Variants in LINGO1 observed in about 807,000 individuals in gnomAD.
LINGO1 encodes leucine-rich repeat and immunoglobulin-like domain-containing nogo receptor-interacting protein 1.
Under a neutral mutation model 37.3 loss-of-function variants are expected in LINGO1, and 11 were observed. The observed-to-expected ratio is 0.29, with a 90% CI of 0.19 to 0.49. The LOEUF (loss-of-function observed/expected upper bound fraction) is 0.49, where lower values mean the gene tolerates loss of function less well. LINGO1 is among the 20% of genes least tolerant of loss of function. LINGO1 has a pLI of 0.99. For missense variants in LINGO1, 585 were observed against 878.2 expected (o/e 0.67, Z 4.22); for synonymous variants, 387 against 403.0 (o/e 0.96, Z 0.48).
intron 1 of LINGO1, among the ~76,000 whole-genome samples, chr15:77,630,900 C>T (rs1447699654): frequency 6.6e-6 from 1 of 152,208 alleles, no homozygotes; most frequent in Non-Finnish European, 1.5e-5. Context: ...CTATACCCTC[C>T]CTCCCACCTC....
intron 2 of LINGO1, among the ~76,000 whole-genome samples, chr15:77,793,845 G>A (rs1271208505): frequency 2.0e-5 from 3 of 152,154 alleles, no homozygotes; most frequent in South Asian, 2.1e-4. Flanking sequence ...GAAGACTGAC[G>A]GGCTAAACAC....
chr15:77,747,302 A>G (rs2076323906), intron 1 of LINGO1, among the ~76,000 whole-genome samples: 1 of 152,134 alleles, frequency 6.6e-6, no homozygotes, highest in South Asian at 2.1e-4. Flanking sequence ...GGGACATTGC[A>G]AGTCATCTGG....
chr15:77,790,767 G>A (rs548305042), upstream of LINGO1, among the ~76,000 whole-genome samples: 7 of 152,254 alleles, frequency 4.6e-5, no homozygotes, highest in South Asian at 1.5e-3. Context: ...GTGGACCCTA[G>A]AGCCATCCAT....
At chr15:77,759,267 C>T (rs1447366748) in intron 1 of LINGO1, among the ~76,000 whole-genome samples, 1 of 152,242 alleles carries the variant, frequency 6.6e-6, no homozygotes. Context: ...CCCCCTGTGG[C>T]CCCTCAGCAC....
At chr15:77,776,560 G>GGGAA (rs2076657204) in intron 1 of LINGO1, among the ~76,000 whole-genome samples, 2 of 144,914 alleles carry the variant, frequency 1.4e-5, no homozygotes, top group Non-Finnish European at 3.1e-5. Context: ...GAGGGAGGGA[G>GGGAA]CTGACTCTGG....
chr15:77,776,526 A>AAGGGAGGGAGGGAGGG (rs56325112), intron 1 of LINGO1, among the ~76,000 whole-genome samples: 36 of 35,778 alleles, frequency 1.0e-3, no homozygotes, highest in African/African-American at 3.3e-3. Flanking sequence ...GGAAGGGAGG[A>AAGGGAGGGAGGGAGGG]AGGGAGGGAG....
chr15:77,646,774 A>G (rs1285511254), intron 3 of LINGO1, among the ~76,000 whole-genome samples: 2 of 152,250 alleles, frequency 1.3e-5, no homozygotes, highest in Non-Finnish European at 2.9e-5. Flanking sequence ...GCTGACAGCC[A>G]GGGAGGGTGG....
intron 2 of LINGO1, among the ~76,000 whole-genome samples, chr15:77,792,350 C>T (rs542431232): frequency 6.6e-6 from 1 of 152,322 alleles, no homozygotes; most frequent in South Asian, 2.1e-4. Context: ...CTCCCACTGG[C>T]CTGCCAGCTT....
intron 1 of LINGO1, among the ~76,000 whole-genome samples, chr15:77,620,951 G>A (rs779717447): frequency 5.3e-5 from 8 of 152,108 alleles, no homozygotes; most frequent in Non-Finnish European, 1.0e-4. Flanking sequence ...GGGCAGGGAC[G>A]TGACTCCCCC....
chr15:77,719,865 C>G (rs1393018614), intron 2 of LINGO1, among the ~76,000 whole-genome samples: 2 of 128,894 alleles, frequency 1.6e-5, no homozygotes, highest in African/African-American at 5.2e-5. Context: ...CACTTATACA[C>G]ATGTGCATGC....
intron 2 of LINGO1, among the ~76,000 whole-genome samples, chr15:77,715,106 A>T (rs889110509): frequency 1.3e-5 from 2 of 152,038 alleles, no homozygotes; most frequent in African/African-American, 4.8e-5. Context: ...TGGCCAGCCT[A>T]CTCTGCAAGG....
At chr15:77,704,836 G>C (rs1177412217) in intron 2 of LINGO1, among the ~76,000 whole-genome samples, 1 of 152,056 alleles carries the variant, frequency 6.6e-6, no homozygotes, top group East Asian at 1.9e-4. Flanking sequence ...AGCCCTGACT[G>C]TGCACACACT....
intron 1 of LINGO1, among the ~76,000 whole-genome samples, chr15:77,777,460 C>G (rs116995992): frequency 0.048 from 1,403 of 29,080 alleles, 28 homozygotes; most frequent in African/African-American, 0.13. Context: ...GACATATACA[C>G]ACACGCACAC....
At chr15:77,690,620 C>T (rs992515688) in intron 2 of LINGO1, 6 of 152,172 alleles carry the variant, frequency 3.9e-5, no homozygotes, top group Non-Finnish European at 5.9e-5. Context: ...GGATCCTGAC[C>T]GATACAGTGT....
intron 2 of LINGO1, among the ~76,000 whole-genome samples, chr15:77,709,055 C>T (rs796369116): frequency 6.6e-5 from 10 of 152,298 alleles, no homozygotes; most frequent in African/African-American, 2.2e-4. Context: ...CCAGGAATAT[C>T]CTCTCCTAGA....
chr15:77,733,758 G>A (rs758290550), intron 2 of LINGO1, among the ~76,000 whole-genome samples: 17 of 152,266 alleles, frequency 1.1e-4, no homozygotes, highest in Non-Finnish European at 2.1e-4. Context: ...CCTCCTCCAC[G>A]CAGTCTGCCT....
intron 1 of LINGO1, among the ~76,000 whole-genome samples, chr15:77,806,594 C>T (rs1345916193): frequency 6.6e-6 from 1 of 152,114 alleles, no homozygotes; most frequent in Non-Finnish European, 1.5e-5. Context: ...GTGGGCTTTA[C>T]AAACTGTAAA....
At chr15:77,777,929 A>G (rs2076677836) in intron 1 of LINGO1, among the ~76,000 whole-genome samples, 1 of 151,314 alleles carries the variant, frequency 6.6e-6, no homozygotes, top group African/African-American at 2.4e-5. Flanking sequence ...GTCTCAAAAG[A>G]AAAGAGGAAG....
intron 2 of LINGO1, among the ~76,000 whole-genome samples, chr15:77,687,860 T>C (rs2075538692): frequency 6.6e-6 from 1 of 152,194 alleles, no homozygotes; most frequent in Non-Finnish European, 1.5e-5. Flanking sequence ...AATCTCTTTT[T>C]TCCAAAAGAG....
Sources: allele counts gnomAD v4.1 joint callset (sites outside exome capture counted in the v4.1 genomes callset), GRCh38; gene constraint gnomAD v4.1.1; transcripts MANE v1.5; gene names NCBI Gene and HGNC (gene_info 2026-07-23, HGNC 2026-07-21).